The following ALK variants were observed in gnomAD, a reference collection of about 807,000 sequenced individuals.
ALK encodes the protein ALK tyrosine kinase receptor.
ALK carries 74 observed loss-of-function variants against 163.1 expected under a neutral mutation model. The observed-to-expected ratio is 0.45, with a 90% confidence interval of 0.38 to 0.55. The LOEUF is 0.55. Ranked by LOEUF, ALK falls within the 20% of genes least tolerant of loss-of-function variation. The probability of loss-of-function intolerance (pLI) is 0.00; values close to 1 mark genes in which losing one functional copy is unlikely to be tolerated. For synonymous variants in ALK, 960 were observed against 843.2 expected (o/e 1.14, Z -2.40); for missense variants, 2,063 against 2,105.3 (o/e 0.98, Z 0.39).
At chr2:29,767,878 T>C (rs1680906671) in intron 1 of ALK, among the ~76,000 whole-genome samples, 1 of 152,220 alleles carries the variant, frequency 6.6e-6, no homozygotes, top group Non-Finnish European at 1.5e-5. Flanking sequence ...TGAAAGGACA[T>C]AACTCCAAGG....
chr2:29,263,664 G>A (rs957927042), intron 11 of ALK, among the ~76,000 whole-genome samples: 1 of 152,108 alleles, frequency 6.6e-6, no homozygotes, highest in Non-Finnish European at 1.5e-5. Context: ...GAAAAGAAGG[G>A]AAGGGATGCT....
At chr2:29,756,032 G>A (rs545428073) in intron 1 of ALK, among the ~76,000 whole-genome samples, 80 of 152,328 alleles carry the variant, frequency 5.3e-4, no homozygotes, top group South Asian at 2.1e-3. Context: ...CAAAAAGCCC[G>A]AGCACTGAGC....
chr2:29,534,054 TGA>T (rs1673185912), intron 3 of ALK, among the ~76,000 whole-genome samples: 1 of 151,978 alleles, frequency 6.6e-6, no homozygotes, highest in Non-Finnish European at 1.5e-5. Context: ...GAGAGAAGAC[TGA>T]GAAATAAGGA....
At chr2:29,217,895 C>A (rs1669685216) in intron 23 of ALK, among the ~76,000 whole-genome samples, 1 of 152,196 alleles carries the variant, frequency 6.6e-6, no homozygotes, top group Non-Finnish European at 1.5e-5. Context: ...GTTTCTCCAT[C>A]CCTCATGTCC....
At chr2:29,493,372 G>A (rs1285917693) in intron 4 of ALK, among the ~76,000 whole-genome samples, 1 of 152,132 alleles carries the variant, frequency 6.6e-6, no homozygotes, top group African/African-American at 2.4e-5. Context: ...ACTCAGCCAA[G>A]GCCAAAGGCG....
chr2:29,340,965 C>T (rs1242559283), intron 5 of ALK, among the ~76,000 whole-genome samples: 1 of 152,196 alleles, frequency 6.6e-6, no homozygotes, highest in African/African-American at 2.4e-5. Flanking sequence ...GACTAGCACT[C>T]AGGGGATGGA....
intron 1 of ALK, among the ~76,000 whole-genome samples, chr2:29,834,591 TA>T (rs1665509154): frequency 6.6e-6 from 1 of 152,110 alleles, no homozygotes; most frequent in Admixed American, 6.5e-5. Context: ...TTTATCAGCT[TA>T]AAAATCAAGA....
At chr2:29,811,975 GT>G (rs1405758713) in intron 1 of ALK, among the ~76,000 whole-genome samples, 1 of 152,208 alleles carries the variant, frequency 6.6e-6, no homozygotes, top group African/African-American at 2.4e-5. Flanking sequence ...AACTGAAGGG[GT>G]GAAACACACA....
At chr2:29,874,018 C>T (rs747700116) in intron 1 of ALK, among the ~76,000 whole-genome samples, 30 of 152,098 alleles carry the variant, frequency 2.0e-4, no homozygotes, top group Non-Finnish European at 2.8e-4. Flanking sequence ...AAGGATCCTC[C>T]TTACAATGAC....
At chr2:29,871,550 G>A (rs1327933464) in intron 1 of ALK, among the ~76,000 whole-genome samples, 1 of 152,180 alleles carries the variant, frequency 6.6e-6, no homozygotes, top group African/African-American at 2.4e-5. Context: ...CAGCATCTAA[G>A]AGCAACAGAA....
At chr2:29,582,698 C>T (rs776588827) in intron 3 of ALK, among the ~76,000 whole-genome samples, 18 of 152,144 alleles carry the variant, frequency 1.2e-4, no homozygotes, top group Admixed American at 9.2e-4. Flanking sequence ...AGTTATCACA[C>T]GTGTTTCATA....
At chr2:29,279,637 C>T (rs1368558579) in intron 9 of ALK, among the ~76,000 whole-genome samples, 3 of 152,120 alleles carry the variant, frequency 2.0e-5, no homozygotes, top group East Asian at 3.9e-4. Flanking sequence ...TCCCTACTTT[C>T]GAAGGTGCCT....
intron 4 of ALK, among the ~76,000 whole-genome samples, chr2:29,447,420 G>C (rs1235560011): frequency 1.3e-5 from 2 of 152,140 alleles, no homozygotes; most frequent in Non-Finnish European, 2.9e-5. Flanking sequence ...TGTCAGATGG[G>C]GAAATTATTT....
chr2:29,728,948 A>G (rs955441063), intron 1 of ALK, among the ~76,000 whole-genome samples: 13 of 152,232 alleles, frequency 8.5e-5, no homozygotes, highest in African/African-American at 3.1e-4. Context: ...TAAGGATGAC[A>G]GATGCCTCCA....
chr2:29,341,264 C>T (rs1355116430), intron 5 of ALK, among the ~76,000 whole-genome samples: 1 of 152,224 alleles, frequency 6.6e-6, no homozygotes, highest in East Asian at 1.9e-4. Context: ...TCATGTCCTT[C>T]TCTGTGTCTA....
chr2:29,852,335 G>T (rs1666017745), intron 1 of ALK, among the ~76,000 whole-genome samples: 1 of 152,204 alleles, frequency 6.6e-6, no homozygotes. Flanking sequence ...GTTCTGCAAT[G>T]AAATCTGTGT....
At chr2:29,311,165 T>A (rs768636048) in intron 8 of ALK, among the ~76,000 whole-genome samples, 2 of 152,258 alleles carry the variant, frequency 1.3e-5, no homozygotes, top group Admixed American at 6.5e-5. Flanking sequence ...AGCACCAGGG[T>A]GAGGGTGACT....
chr2:29,451,218 A>G (rs1293451416), intron 4 of ALK, among the ~76,000 whole-genome samples: 2 of 152,140 alleles, frequency 1.3e-5, no homozygotes, highest in Non-Finnish European at 2.9e-5. Flanking sequence ...ATGACCTCAC[A>G]CCTGCTCTAC....
intron 4 of ALK, among the ~76,000 whole-genome samples, chr2:29,479,803 C>A (rs1187245216): frequency 6.6e-6 from 1 of 152,076 alleles, no homozygotes; most frequent in Admixed American, 6.6e-5. Flanking sequence ...CTGGCAGTGA[C>A]CTTGGCAAAA....
Sources: allele counts gnomAD v4.1 joint callset (sites outside exome capture counted in the v4.1 genomes callset), GRCh38; gene constraint gnomAD v4.1.1; transcripts MANE v1.5; gene names NCBI Gene and HGNC (gene_info 2026-07-23, HGNC 2026-07-21).